Variants in MBOAT1 observed in about 807,000 individuals in gnomAD.
The protein encoded by MBOAT1 is membrane-bound glycerophospholipid O-acyltransferase 1.
Under a neutral mutation model 64.4 loss-of-function variants are expected in MBOAT1, and 67 were observed. The ratio of observed to expected loss-of-function variants is 1.04; its 90% confidence interval spans 0.85 to 1.27. The LOEUF is 1.27. Ranked by LOEUF, MBOAT1 falls within the 50% of genes most tolerant of loss-of-function variation. The pLI is 0.00. For missense variants in MBOAT1, 563 were observed against 604.6 expected, an observed-to-expected ratio of 0.93 and a Z score of 0.72; for synonymous variants, 229 against 218.9, an observed-to-expected ratio of 1.05 and a Z score of -0.41.
At chr6:20,170,903 AATG>A (rs1210117589) in intron 1 of MBOAT1, among the ~76,000 whole-genome samples, 1 of 151,784 alleles carries the variant, frequency 6.6e-6, no homozygotes, top group Non-Finnish European at 1.5e-5. Flanking sequence ...TGAATGAATG[AATG>A]AATGAATGAA....
rs1760589010 is a variant in MBOAT1, at chr6:20,124,418, T to C, written c.897A>G (p.Ala299=). 1.2e-6 allele frequency: 2 copies of C among 1,613,882 alleles called. No homozygotes were observed. The highest frequency in any genetic ancestry group is 2.2e-5 in the East Asian group (1 of 44,872). Residue 299 remains alanine (A), a synonymous_variant, in exon 8 of 13, where the codon GCA becomes GCG. Transcript: ENST00000324607. Reference sequence around the variant, plus strand: ...CTCCATCAAACTTACCTAATGTCCATGCAAAGTAATACTTGGGCTTTGAGG... The same window carrying C: ...CTCCATCAAACTTACCTAATGTCCACGCAAAGTAATACTTGGGCTTTGAGG... ...MQASKPKYYF[A]WTLADAVNNA...
intron 7 of MBOAT1, among the ~76,000 whole-genome samples, chr6:20,125,504 T>C (rs1760623759): frequency 6.6e-6 from 1 of 152,236 alleles, no homozygotes; most frequent in African/African-American, 2.4e-5. Context: ...ACCTTATCTG[T>C]GCACAAAAAT....
chr6:20,112,804 G>A, intron 11 of MBOAT1, 72 bp downstream of exon 11: 2 of 1,537,714 alleles, frequency 1.3e-6, no homozygotes, highest in Non-Finnish European at 1.8e-6. Context: ...CCCCTACTAG[G>A]ACCCAACAGA....
chr6:20,109,901 ACTT>A lies in MBOAT1; in HGVS notation c.1210-155_1210-153del. 5.0e-4 allele frequency: 150 copies of A among 297,842 alleles called. 1 individual carries two copies. The highest frequency in any genetic ancestry group is 1.9e-3 in the South Asian group (25 of 13,256). The allele number at this position is 297,842 out of a possible 1,614,324, so 18.4% of individuals were successfully genotyped here. On this transcript the variant is annotated intron_variant, in intron 11 of 12. Transcript: ENST00000324607. ...ATTTTCGACTACAAATACCATCAGGACTTTTTTTTTTTTTTTTTTTTTTTTTGA... is the reference window on the plus strand; with the variant it reads ...ATTTTCGACTACAAATACCATCAGGATTTTTTTTTTTTTTTTTTTTTTTGA...
chr6:20,141,510 C>T (rs1021793472), intron 4 of MBOAT1, among the ~76,000 whole-genome samples: 2 of 151,902 alleles, frequency 1.3e-5, no homozygotes, highest in African/African-American at 4.8e-5. Flanking sequence ...CAAGCACGCA[C>T]CATCACACCC....
At chr6:20,114,417 A>G (rs945062788) in intron 10 of MBOAT1, among the ~76,000 whole-genome samples, 2 of 152,242 alleles carry the variant, frequency 1.3e-5, no homozygotes, top group Non-Finnish European at 2.9e-5. Flanking sequence ...ATAGGGAAAT[A>G]GCAACAAAAA....
At chr6:20,200,753 A>G (rs1339679770) in intron 1 of MBOAT1, among the ~76,000 whole-genome samples, 3 of 151,940 alleles carry the variant, frequency 2.0e-5, no homozygotes, top group Admixed American at 6.6e-5. Context: ...CCCCTCTCCA[A>G]CCCTCTCACT....
Position 20,212,324 on chromosome 6 carries a change from C to T in MBOAT1, c.-90G>A, listed in dbSNP as rs1443192668. 1.5e-5 allele frequency: 18 copies of T among 1,238,472 alleles called. No homozygotes were observed. The highest frequency in any genetic ancestry group is 1.9e-5 in the Non-Finnish European group (17 of 882,122). 76.7% of individuals were successfully genotyped at this position (1,238,472 alleles called of 1,614,324 possible). A position where few individuals can be genotyped will look rare whatever the true frequency, so the allele number is the denominator to read the frequency against. ...CGCCCGGGTGCTCTTGGGTGGTTGCCCCGAGAGGCGCACGGCCGCCTGGTT... is the reference window on the plus strand; with the variant it reads ...CGCCCGGGTGCTCTTGGGTGGTTGCTCCGAGAGGCGCACGGCCGCCTGGTT... On this transcript the variant is annotated 5_prime_UTR_variant, in exon 1 of 13. Coordinates refer to ENST00000324607, the MANE Select transcript of MBOAT1 (RefSeq NM_001080480.3).
chr6:20,111,463 C>T (rs1760134958), intron 11 of MBOAT1, among the ~76,000 whole-genome samples: 1 of 152,134 alleles, frequency 6.6e-6, no homozygotes, highest in South Asian at 2.1e-4. Context: ...ACTGTTCTAT[C>T]AACTCTCTCC....
chr6:20,145,781 C>G (rs1245779967), intron 3 of MBOAT1, among the ~76,000 whole-genome samples: 1 of 152,180 alleles, frequency 6.6e-6, no homozygotes, highest in South Asian at 2.1e-4. Flanking sequence ...GACTGCAATT[C>G]CCATCTCCAT....
At chr6:20,146,586 C>G (rs1325741032) in intron 3 of MBOAT1, among the ~76,000 whole-genome samples, 3 of 152,162 alleles carry the variant, frequency 2.0e-5, no homozygotes, top group Non-Finnish European at 4.4e-5. Flanking sequence ...TTTCTCCAGC[C>G]AGTTCATGAA....
intron 6 of MBOAT1, among the ~76,000 whole-genome samples, chr6:20,127,603 C>T (rs780363471): frequency 8.5e-5 from 13 of 152,098 alleles, no homozygotes; most frequent in Non-Finnish European, 1.6e-4. Context: ...ACCGTGCATG[C>T]CAGGGATGTA....
In MBOAT1 at chr6:20,166,448, T is replaced by C. The variant is rs868283795; in HGVS notation, c.100-13679A>G. 7.9e-5 allele frequency among the ~76,000 whole-genome samples: 12 copies of C among 152,246 alleles called. No individual in the cohort carries two copies. The Middle Eastern group carries it at 0.01, about 129-fold the overall frequency. Reference sequence around the variant, plus strand: ...ATGACTTAATTAGCCAGCTGCTAAATTGAGAAGAGACACTGAGCAGGCCCA... The same window carrying C: ...ATGACTTAATTAGCCAGCTGCTAAACTGAGAAGAGACACTGAGCAGGCCCA... On this transcript the variant is annotated intron_variant, in intron 1 of 12. Coordinates refer to ENST00000324607, the MANE Select transcript of MBOAT1 (RefSeq NM_001080480.3).
chr6:20,164,370 T>A (rs1287336914), intron 1 of MBOAT1, among the ~76,000 whole-genome samples: 1 of 152,142 alleles, frequency 6.6e-6, no homozygotes, highest in Non-Finnish European at 1.5e-5. Context: ...ACATCTACCC[T>A]ACCAGATTGT....
intron 4 of MBOAT1, among the ~76,000 whole-genome samples, chr6:20,137,177 T>C (rs1419643035): frequency 6.6e-6 from 1 of 152,214 alleles, no homozygotes; most frequent in Admixed American, 6.5e-5. Context: ...TGAAACTGCC[T>C]TCCAGAAGAG....
chr6:20,108,341 C>G (rs1489173836), intron 12 of MBOAT1, among the ~76,000 whole-genome samples: 4 of 152,182 alleles, frequency 2.6e-5, no homozygotes, highest in Non-Finnish European at 5.9e-5. Flanking sequence ...TCTCTTCCCA[C>G]TCTTCTGGCA....
At chr6:20,135,630 G>T (rs1038950844) in intron 4 of MBOAT1, among the ~76,000 whole-genome samples, 1 of 152,158 alleles carries the variant, frequency 6.6e-6, no homozygotes, top group African/African-American at 2.4e-5. Context: ...TCGGTTATTG[G>T]TGTCGGAAGA....
At position 20,115,556 on chromosome 6, in the gene MBOAT1, C is replaced by T. The variant is rs918727299; in HGVS notation, c.1012-204G>A. On this transcript the variant is annotated intron_variant, in intron 9 of 12. Transcript: ENST00000324607. ...CACTTTGCAACTAAAACCTGTCTTG[C>T]GAAGTCTCAATTTTTTTTCAACATG... Among the ~76,000 whole-genome samples the T allele has an allele frequency of 8.5e-5, 13 of 152,174 alleles. No individual in the cohort carries two copies. In the East Asian group the frequency reaches 1.7e-3, roughly 20 times the overall value.
At chr6:20,122,445 G>C (rs553101415) in intron 8 of MBOAT1, among the ~76,000 whole-genome samples, 30 of 152,220 alleles carry the variant, frequency 2.0e-4, no homozygotes, top group African/African-American at 7.0e-4. Flanking sequence ...GAGAGTCAAC[G>C]TCCTACCTTT....
Sources: gnomAD v4.1 joint callset for allele counts (sites outside exome capture counted in the v4.1 genomes callset) on GRCh38, gnomAD v4.1.1 for gene constraint, MANE v1.5 for transcripts, NCBI Gene and HGNC (gene_info 2026-07-23, HGNC 2026-07-21) for gene names.